Variants in PBX1 observed in about 807,000 individuals in gnomAD.
PBX1 encodes the protein PBX homeobox 1, also known as pre-B-cell leukemia transcription factor 1.
A neutral mutation model predicts 53.4 loss-of-function variants in PBX1; 6 were observed. The observed-to-expected ratio is 0.11, with a 90% confidence interval of 0.06 to 0.22. The LOEUF (loss-of-function observed/expected upper bound fraction) is 0.22, where lower values mean the gene tolerates loss of function less well. Among genes scored for constraint, PBX1 ranks in the 10% least tolerant of loss-of-function variants. The pLI is 1.00. For synonymous variants in PBX1, 204 were observed against 212.3 expected, an observed-to-expected ratio of 0.96 and a Z score of 0.34; for missense variants, 251 against 551.4, an observed-to-expected ratio of 0.46 and a Z score of 5.46.
chr1:164,625,890 A>G (rs1658002342), intron 2 of PBX1: 3 of 1,010,668 alleles, frequency 3.0e-6, no homozygotes, highest in Non-Finnish European at 3.6e-6. Context: ...TGTAAAATCT[A>G]TTCTGCATAA....
intron 2 of PBX1, among the ~76,000 whole-genome samples, chr1:164,730,496 G>T (rs1425739183): frequency 6.6e-6 from 1 of 152,168 alleles, no homozygotes; most frequent in East Asian, 1.9e-4. Context: ...GTAAGATTTT[G>T]CAGGGAGGTA....
rs576617275 is a variant in PBX1, at chr1:164,737,020, G to A, written c.266-55474G>A. Among the ~76,000 whole-genome samples, 14 of 152,280 alleles carry A rather than the reference G, an allele frequency of 9.2e-5. No homozygotes were observed. The East Asian group carries it at 1.4e-3, about 15-fold the overall frequency. ...ATGAGATGAGATAGGATTCAGTGCC[G>A]TTGACAGAGACCCAAGGAGACAAGA... On this transcript the variant is annotated intron_variant, in intron 2 of 8. Transcript: ENST00000420696.
At chr1:164,712,427 A>G (rs1289707935) in intron 2 of PBX1, among the ~76,000 whole-genome samples, 1 of 152,244 alleles carries the variant, frequency 6.6e-6, no homozygotes. Flanking sequence ...ACTGGCTGAT[A>G]ACAGGCTGTT....
chr1:164,654,719 A>G (rs1660044615), intron 2 of PBX1, among the ~76,000 whole-genome samples: 2 of 152,202 alleles, frequency 1.3e-5, no homozygotes, highest in Admixed American at 1.3e-4. Context: ...ATGAAAATAA[A>G]CTCAGTTATG....
At chr1:164,838,914 G>A (rs928706254) in intron 8 of PBX1, among the ~76,000 whole-genome samples, 1 of 152,160 alleles carries the variant, frequency 6.6e-6, no homozygotes, top group Non-Finnish European at 1.5e-5. Context: ...GCCTAGTCCT[G>A]TAATGGCTTG....
At chr1:164,718,142 T>C (rs567132422) in intron 2 of PBX1, among the ~76,000 whole-genome samples, 1 of 152,228 alleles carries the variant, frequency 6.6e-6, no homozygotes, top group African/African-American at 2.4e-5. Context: ...GATAAAGTTG[T>C]GTTTCCATTT....
At chr1:164,627,334 A>G (rs1378588131) in intron 2 of PBX1, among the ~76,000 whole-genome samples, 1 of 152,176 alleles carries the variant, frequency 6.6e-6, no homozygotes, top group Middle Eastern at 3.2e-3. Context: ...GAAGCCATTG[A>G]ACTTCCATTA....
chr1:164,636,163 T>TC (rs1218661703), intron 2 of PBX1, among the ~76,000 whole-genome samples: 1 of 151,876 alleles, frequency 6.6e-6, no homozygotes, highest in East Asian at 1.9e-4. Flanking sequence ...TCTCTTTTTT[T>TC]TTTCTCCTTT....
chr1:164,841,742 C>T (rs912483858), intron 8 of PBX1, among the ~76,000 whole-genome samples: 7 of 151,898 alleles, frequency 4.6e-5, no homozygotes, highest in African/African-American at 1.7e-4. Context: ...CTGATGTCTC[C>T]CTGATATATA....
chr1:164,814,348 A>T (rs1669772045), intron 6 of PBX1: 1 of 152,254 alleles, frequency 6.6e-6, no homozygotes, highest in South Asian at 2.1e-4. Context: ...TTTGAAGTCT[A>T]GAGTTGTAGA....
chr1:164,822,534 T>G (rs1264719662), intron 8 of PBX1, among the ~76,000 whole-genome samples: 2 of 152,192 alleles, frequency 1.3e-5, no homozygotes, highest in Non-Finnish European at 2.9e-5. Flanking sequence ...ATTAATGTAA[T>G]CTATACTAAT....
At position 164,848,824 on chromosome 1, in the gene PBX1, A is replaced by G. The variant is rs1053147625; in HGVS notation, c.*2148A>G. 9.4e-7 allele frequency: 1 copy of G among 1,063,996 alleles called. No individual in the cohort carries two copies. The highest frequency in any genetic ancestry group is 1.6e-5 in the African/African-American group (1 of 60,948). 65.9% of individuals were successfully genotyped at this position (1,063,996 alleles called of 1,614,324 possible). A position where few individuals can be genotyped will look rare whatever the true frequency, so the allele number is the denominator to read the frequency against. On this transcript the variant is annotated 3_prime_UTR_variant, in exon 9 of 9. Transcript: ENST00000420696. ...TGCTTGGCACTACAGTCATAAATAGAAAACACTGTGTGTGCTCAGGGGAGC... is the reference window on the plus strand; with the variant it reads ...TGCTTGGCACTACAGTCATAAATAGGAAACACTGTGTGTGCTCAGGGGAGC...
intron 2 of PBX1, among the ~76,000 whole-genome samples, chr1:164,885,352 T>A (rs1672753602): frequency 6.6e-6 from 1 of 152,194 alleles, no homozygotes; most frequent in African/African-American, 2.4e-5. Context: ...TTAACTTCTC[T>A]GGGAAATATT....
chr1:164,559,429 A>G lies in PBX1; in HGVS notation c.-394A>G, dbSNP rs1363960826. Reference sequence around the variant, plus strand: ...ATCAATGCATATTTGCAAAAGGATTAAGCCACAGATTTAAGCGCCGGGAGC... The same window carrying G: ...ATCAATGCATATTTGCAAAAGGATTGAGCCACAGATTTAAGCGCCGGGAGC... On this transcript the variant is annotated 5_prime_UTR_variant, in exon 1 of 9. Transcript: ENST00000420696. 1 of 246,396 alleles carries G rather than the reference A, an allele frequency of 4.1e-6. No homozygotes were observed. The highest frequency in any genetic ancestry group is 7.8e-6 in the Non-Finnish European group (1 of 127,524). The allele number at this position is 246,396 out of a possible 1,614,324, so 15.3% of individuals were successfully genotyped here.
chr1:164,715,468 T>C (rs1557961800), intron 2 of PBX1, among the ~76,000 whole-genome samples: 1 of 152,220 alleles, frequency 6.6e-6, no homozygotes. Flanking sequence ...TGGTGTATTC[T>C]TAGCTGCCCA....
At chr1:164,614,255 A>G (rs1048225279) in intron 2 of PBX1, among the ~76,000 whole-genome samples, 1 of 152,168 alleles carries the variant, frequency 6.6e-6, no homozygotes, top group Non-Finnish European at 1.5e-5. Context: ...TGATTTTACA[A>G]ATGAGGAGAG....
Position 164,848,657 on chromosome 1 carries a change from G to C in PBX1, c.*1981G>C. 9.5e-7 allele frequency: 1 copy of C among 1,055,998 alleles called. No individual in the cohort carries two copies. The highest frequency in any genetic ancestry group is 1.1e-6 in the Non-Finnish European group (1 of 873,578). The allele number at this position is 1,055,998 out of a possible 1,614,324, so 65.4% of individuals were successfully genotyped here. A position where few individuals can be genotyped will look rare whatever the true frequency, so the allele number is the denominator to read the frequency against. On this transcript the variant is annotated 3_prime_UTR_variant, in exon 9 of 9. Transcript: ENST00000420696. ...TTCCAAACTAGAAAAACAGGCCCTG[G>C]TTCCCTTAGTTTGCACTTGAACCCA...
intron 3 of PBX1, among the ~76,000 whole-genome samples, chr1:164,799,334 C>G (rs541102691): frequency 5.3e-5 from 8 of 151,706 alleles, no homozygotes; most frequent in Non-Finnish European, 1.0e-4. Context: ...ACTAAAATTA[C>G]AAAAAAATTA....
intron 2 of PBX1, among the ~76,000 whole-genome samples, chr1:164,638,767 G>A (rs1658941753): frequency 6.6e-6 from 1 of 152,192 alleles, no homozygotes; most frequent in Middle Eastern, 3.2e-3. Flanking sequence ...GAGGTCACCT[G>A]CTCACTACAG....
Sources: gnomAD v4.1 joint callset for allele counts (sites outside exome capture counted in the v4.1 genomes callset) on GRCh38, gnomAD v4.1.1 for gene constraint, MANE v1.5 for transcripts, NCBI Gene and HGNC (gene_info 2026-07-23, HGNC 2026-07-21) for gene names.